The following IGF2BP3 variants were observed in gnomAD, a reference collection of about 807,000 sequenced individuals.
The protein encoded by IGF2BP3 is insulin-like growth factor 2 mRNA-binding protein 3.
In IGF2BP3, 9 loss-of-function variants were observed where a neutral mutation model predicts 73.8. The observed-to-expected ratio is 0.12, with a 90% confidence interval of 0.07 to 0.21. IGF2BP3 has a LOEUF of 0.21. IGF2BP3 is among the 10% of genes least tolerant of loss of function. The pLI is 1.00. For synonymous variants in IGF2BP3, 258 were observed against 256.7 expected (o/e 1.01, Z -0.05); for missense variants, 542 against 714.0 (o/e 0.76, Z 2.75).
chr7:23,346,915 T>C (rs189181435), intron 7 of IGF2BP3, among the ~76,000 whole-genome samples: 2 of 152,144 alleles, frequency 1.3e-5, no homozygotes, highest in South Asian at 2.1e-4. Context: ...CTAAAATAAT[T>C]CTTCTTTAAA....
chr7:23,393,124 T>C (rs1306031315), intron 3 of IGF2BP3, among the ~76,000 whole-genome samples: 1 of 152,146 alleles, frequency 6.6e-6, no homozygotes, highest in East Asian at 1.9e-4. Flanking sequence ...CTTGCTTTCA[T>C]CCAACTCAAG....
chr7:23,452,257 G>A (rs1788218480), intron 2 of IGF2BP3, among the ~76,000 whole-genome samples: 1 of 152,040 alleles, frequency 6.6e-6, no homozygotes, highest in African/African-American at 2.4e-5. Context: ...GCCTGCCTCA[G>A]CCTCCTCAAG....
At chr7:23,408,932 C>T (rs1328462450) in intron 3 of IGF2BP3, among the ~76,000 whole-genome samples, 1 of 152,012 alleles carries the variant, frequency 6.6e-6, no homozygotes, top group Non-Finnish European at 1.5e-5. Context: ...GCACCAGGGA[C>T]TGGTTTCATG....
In IGF2BP3 at chr7:23,351,577, G is replaced by T. The variant is rs140223241; in HGVS notation, c.411C>A (p.Asp137Glu). The T allele has an allele frequency of 5.0e-6, 8 of 1,613,938 alleles. No individual in the cohort carries two copies. In the African/African-American group the frequency reaches 1.1e-4, roughly 22 times the overall value. The change falls in exon 6 of 15, where the codon GAC (aspartate) becomes GAA (glutamate). Residue 137 changes from aspartate (D) to glutamate (E), a missense_variant. Coordinates refer to ENST00000258729, the MANE Select transcript of IGF2BP3 (RefSeq NM_006547.3). ...TCTCTAACTGAAATCCATTCAGTTT[G>T]TCTAGTGCTCTGAAAGTTGAAAAGG... is the stretch of plus-strand genomic sequence containing the variant. ...SSKDQARQAL[D>E]KLNGFQLENF...
chr7:23,332,413 T>A (rs896087177), intron 10 of IGF2BP3, among the ~76,000 whole-genome samples: 3 of 152,242 alleles, frequency 2.0e-5, no homozygotes, highest in Admixed American at 6.5e-5. Flanking sequence ...TCTAGGATAA[T>A]GTAACACACT....
At chr7:23,438,453 T>A (rs1787855132) in intron 2 of IGF2BP3, among the ~76,000 whole-genome samples, 1 of 152,014 alleles carries the variant, frequency 6.6e-6, no homozygotes, top group Non-Finnish European at 1.5e-5. Flanking sequence ...AGACTCAAGG[T>A]CACATCAACA....
intron 8 of IGF2BP3, among the ~76,000 whole-genome samples, chr7:23,344,154 A>G (rs1185292973): frequency 6.6e-6 from 1 of 152,234 alleles, no homozygotes; most frequent in Admixed American, 6.5e-5. Flanking sequence ...AAGTTGAACC[A>G]TTTTCACAAT....
intron 2 of IGF2BP3, among the ~76,000 whole-genome samples, chr7:23,444,565 AC>A (rs1364688143): frequency 1.3e-5 from 2 of 151,782 alleles, no homozygotes; most frequent in African/African-American, 2.4e-5. Context: ...TCATGGTGAA[AC>A]CCCCATCTCT....
intron 3 of IGF2BP3, among the ~76,000 whole-genome samples, chr7:23,388,840 T>C (rs1296577080): frequency 6.6e-6 from 1 of 152,126 alleles, no homozygotes; most frequent in Non-Finnish European, 1.5e-5. Context: ...GACCTACACA[T>C]AAATGTTCAT....
At chr7:23,456,910 G>A (rs1464696158) in intron 2 of IGF2BP3, among the ~76,000 whole-genome samples, 6 of 152,118 alleles carry the variant, frequency 3.9e-5, no homozygotes, top group African/African-American at 9.7e-5. Flanking sequence ...TTAGCTGGGC[G>A]TAGTGGCACG....
In IGF2BP3 at chr7:23,347,614, A is replaced by G. The variant is rs1281032843; in HGVS notation, c.804T>C (p.Ala268=). Residue 268 remains alanine, a synonymous_variant, in exon 7 of 15, where the codon GCT becomes GCC. Transcript: ENST00000258729. ...TCTTTACTCACAATTTTATATCTTG[A>G]GCTTCCTTATGCATAATCTCCAGAA... ...KSILEIMHKE[A]QDIKFTEEIP... 5 of 1,613,520 alleles carry G rather than the reference A, an allele frequency of 3.1e-6. No homozygotes were observed. Among genetic ancestry groups the G allele is most frequent in the Non-Finnish European group, 4.2e-6 (5 of 1,179,892 alleles).
At chr7:23,450,115 C>A (rs1264764213) in intron 2 of IGF2BP3, among the ~76,000 whole-genome samples, 2 of 152,178 alleles carry the variant, frequency 1.3e-5, no homozygotes, top group Non-Finnish European at 2.9e-5. Context: ...TCACTGTATT[C>A]TTCTCTGGCA....
chr7:23,347,568 A>G, intron 7 of IGF2BP3, 32 bp downstream of exon 7: 7 of 1,599,724 alleles, frequency 4.4e-6, no homozygotes, highest in African/African-American at 2.7e-5. Flanking sequence ...ACAAATATCA[A>G]CCTCTTTCAC....
chr7:23,408,658 G>A (rs112852081), intron 3 of IGF2BP3, among the ~76,000 whole-genome samples: 2 of 152,218 alleles, frequency 1.3e-5, no homozygotes, highest in African/African-American at 4.8e-5. Flanking sequence ...TATTCAAGGA[G>A]AGGAAAAGAA....
At chr7:23,412,502 G>A (rs1444198449) in intron 3 of IGF2BP3, among the ~76,000 whole-genome samples, 1 of 152,132 alleles carries the variant, frequency 6.6e-6, no homozygotes, top group African/African-American at 2.4e-5. Context: ...ATCTTTGCTC[G>A]GAAAACAGTC....
intron 3 of IGF2BP3, among the ~76,000 whole-genome samples, chr7:23,416,394 T>G (rs1787191219): frequency 6.6e-6 from 1 of 152,184 alleles, no homozygotes. Flanking sequence ...ATCCCACTGC[T>G]CCTCTAGCAA....
chr7:23,427,185 C>A (rs903453908), intron 2 of IGF2BP3, among the ~76,000 whole-genome samples: 1 of 152,184 alleles, frequency 6.6e-6, no homozygotes, highest in Non-Finnish European at 1.5e-5. Flanking sequence ...CCCAGAAACA[C>A]TGGACAGACA....
At chr7:23,438,284 T>C (rs1160557490) in intron 2 of IGF2BP3, among the ~76,000 whole-genome samples, 1 of 152,190 alleles carries the variant, frequency 6.6e-6, no homozygotes, top group Non-Finnish European at 1.5e-5. Context: ...TGGCTAATTT[T>C]TGTATTTTTC....
chr7:23,383,831 T>A (rs984982271), intron 3 of IGF2BP3, among the ~76,000 whole-genome samples: 5 of 152,044 alleles, frequency 3.3e-5, no homozygotes, highest in Non-Finnish European at 7.4e-5. Context: ...GCGCGGTGGC[T>A]CACACCTGTA....
Sources: allele counts gnomAD v4.1 joint callset (sites outside exome capture counted in the v4.1 genomes callset), GRCh38; gene constraint gnomAD v4.1.1; transcripts MANE v1.5; gene names NCBI Gene and HGNC (gene_info 2026-07-23, HGNC 2026-07-21).